The following FSHR variants were observed in gnomAD, a reference collection of about 807,000 sequenced individuals.
FSHR encodes the protein follicle-stimulating hormone receptor.
A neutral mutation model predicts 52.1 loss-of-function variants in FSHR; 46 were observed. The observed-to-expected ratio is 0.88, with a 90% CI of 0.70 to 1.13. The LOEUF (loss-of-function observed/expected upper bound fraction) is 1.13. Ranked by LOEUF, FSHR falls within the 50% of genes most tolerant of loss-of-function variation. FSHR has a pLI of 0.00. For missense variants in FSHR, 964 were observed against 834.6 expected (o/e 1.16, Z -1.91); for synonymous variants, 399 against 309.6 (o/e 1.29, Z -3.03).
chr2:49,082,877 C>T lies in FSHR; in HGVS notation c.153-14587G>A, dbSNP rs1006863013. Among the ~76,000 whole-genome samples the T allele has an allele frequency of 7.8e-4, 119 of 152,128 alleles. 1 individual carries two copies. The highest frequency in any genetic ancestry group is 2.8e-3 in the African/African-American group (115 of 41,486). ...ACCAAATCTACGTCTGATTGGTGTA[C>T]CTGAAAGTGACGGGGAGAATGGAAC... On this transcript the variant is annotated intron_variant, in intron 1 of 9. Transcript: ENST00000406846.
intron 2 of FSHR, among the ~76,000 whole-genome samples, chr2:49,026,589 G>A (rs1379414130): frequency 1.3e-5 from 2 of 152,130 alleles, no homozygotes; most frequent in Non-Finnish European, 2.9e-5. Context: ...CAAGTATAAA[G>A]CATATAAGAT....
intron 4 of FSHR, chr2:49,014,574 G>T (rs762496662): frequency 3.1e-5 from 7 of 225,574 alleles, no homozygotes; most frequent in Non-Finnish European, 6.2e-5. Context: ...CTAAGGGAAG[G>T]GCCAAGGGGG....
chr2:49,078,211 G>A (rs1670025738), intron 1 of FSHR, among the ~76,000 whole-genome samples: 1 of 152,202 alleles, frequency 6.6e-6, no homozygotes, highest in African/African-American at 2.4e-5. Flanking sequence ...TGGAAAGCAA[G>A]GAGGAGCAAG....
At chr2:49,027,066 C>T (rs547781262) in intron 2 of FSHR, among the ~76,000 whole-genome samples, 28 of 152,354 alleles carry the variant, frequency 1.8e-4, no homozygotes, top group Non-Finnish European at 3.1e-4. Context: ...CCCCTGCCAA[C>T]GGCTCTGTCT....
chr2:49,093,017 A>T (rs1035403680), intron 1 of FSHR, among the ~76,000 whole-genome samples: 2 of 152,188 alleles, frequency 1.3e-5, no homozygotes, highest in African/African-American at 4.8e-5. Context: ...ACCCCATTTG[A>T]TCATTGTGAA....
chr2:49,016,721 T>G lies in FSHR; in HGVS notation c.374+768A>C, dbSNP rs74771252. On this transcript the variant is annotated intron_variant, in intron 4 of 9. Coordinates refer to ENST00000406846, the MANE Select transcript of FSHR (RefSeq NM_000145.4). ...TTGTTGCTTTAAGCCTCTATCTTTGTGTAGTGGTTGGTTGGTTATGCATGA... is the reference window on the plus strand; with the variant it reads ...TTGTTGCTTTAAGCCTCTATCTTTGGGTAGTGGTTGGTTGGTTATGCATGA... Among the ~76,000 whole-genome samples the G allele has an allele frequency of 4.7e-3, 716 of 152,294 alleles. 4 individuals carry two copies. The highest frequency in any genetic ancestry group is 0.016 in the African/African-American group (652 of 41,562).
chr2:49,148,350 A>G (rs1202793265), intron 1 of FSHR, among the ~76,000 whole-genome samples: 1 of 152,084 alleles, frequency 6.6e-6, no homozygotes, highest in Non-Finnish European at 1.5e-5. Flanking sequence ...AAGGAAAATA[A>G]GAAAGCTATC....
chr2:48,968,784 A>G lies in FSHR; in HGVS notation c.768T>C (p.Pro256=). Residue 256 remains proline, a synonymous_variant, in exon 9 of 10, where the codon CCT becomes CCC. Coordinates refer to ENST00000406846, the MANE Select transcript of FSHR (RefSeq NM_000145.4). Reference sequence around the variant, plus strand: ...TGAGGGCGACAAGCTTTTCCAGAGTAGGCAGCTTTTTTAAGTTGTAAGTCG... The same window carrying G: ...TGAGGGCGACAAGCTTTTCCAGAGTGGGCAGCTTTTTTAAGTTGTAAGTCG... The part of the protein sequence containing the change: ...ARSTYNLKKL[P]TLEKLVALME... The G allele has an allele frequency of 6.2e-7, 1 of 1,614,154 alleles. No individual in the cohort carries two copies. Among genetic ancestry groups the G allele is most frequent in the African/African-American group, 1.3e-5 (1 of 75,056 alleles).
chr2:49,100,883 C>G (rs1051733370), intron 1 of FSHR, among the ~76,000 whole-genome samples: 3 of 152,068 alleles, frequency 2.0e-5, no homozygotes, highest in African/African-American at 7.2e-5. Context: ...GGAAGAAAAC[C>G]AGGGAAGGAG....
intron 1 of FSHR, among the ~76,000 whole-genome samples, chr2:49,105,246 C>A (rs899716957): frequency 6.6e-6 from 1 of 152,098 alleles, no homozygotes. Flanking sequence ...AAACAAGGGG[C>A]AGTTTTCTCC....
At chr2:49,141,831 T>G (rs1348258941) in intron 1 of FSHR, among the ~76,000 whole-genome samples, 1 of 152,228 alleles carries the variant, frequency 6.6e-6, no homozygotes, top group African/African-American at 2.4e-5. Context: ...GTGTCTTTTT[T>G]TCCTTGTTCA....
chr2:49,039,889 A>G (rs1668420368), intron 2 of FSHR, among the ~76,000 whole-genome samples: 2 of 149,448 alleles, frequency 1.3e-5, no homozygotes, highest in African/African-American at 4.9e-5. Flanking sequence ...GGAATTATGT[A>G]AAATTTTTGT....
chr2:49,135,855 C>G (rs1238995741), intron 1 of FSHR, among the ~76,000 whole-genome samples: 2 of 151,854 alleles, frequency 1.3e-5, no homozygotes, highest in African/African-American at 2.4e-5. Context: ...GATATGTTTA[C>G]TATTTATTAA....
At chr2:49,059,491 T>G (rs1301869136) in intron 2 of FSHR, 4 of 152,130 alleles carry the variant, frequency 2.6e-5, no homozygotes, top group African/African-American at 7.3e-5. Context: ...TATAGCCAAC[T>G]GATTTTTGAC....
At chr2:49,021,886 T>TATATATATAGAGAGAGAGAGAGAG (rs1273265515) in intron 2 of FSHR, among the ~76,000 whole-genome samples, 1 of 25,124 alleles carries the variant, frequency 4.0e-5, no homozygotes, top group African/African-American at 1.5e-4. Flanking sequence ...TATATATATA[T>TATATATATAGAGAGAGAGAGAGAG]AGAGAGAGAG....
chr2:49,110,687 A>G (rs568029497), intron 1 of FSHR, among the ~76,000 whole-genome samples: 1 of 152,194 alleles, frequency 6.6e-6, no homozygotes, highest in Admixed American at 6.5e-5. Flanking sequence ...TCAATTTTTC[A>G]CAATTTCCCA....
rs908095208 is a variant in FSHR, at chr2:49,076,911, G to A, written c.153-8621C>T. 3.3e-5 allele frequency among the ~76,000 whole-genome samples: 5 copies of A among 152,228 alleles called. 1 individual carries two copies. The highest frequency in any genetic ancestry group is 2.0e-4 in the Admixed American group (3 of 15,290). ...TTTCTCACATCCAGGTCACAGTAATGTAAGAGGTGGGTTCCATGATCTTGG... is the reference window on the plus strand; with the variant it reads ...TTTCTCACATCCAGGTCACAGTAATATAAGAGGTGGGTTCCATGATCTTGG... On this transcript the variant is annotated intron_variant, in intron 1 of 9. Transcript: ENST00000406846.
chr2:48,965,784 A>G (rs1290422704), intron 9 of FSHR, among the ~76,000 whole-genome samples: 1 of 152,248 alleles, frequency 6.6e-6, no homozygotes, highest in Non-Finnish European at 1.5e-5. Context: ...GAAGTGACCC[A>G]CTGACATGAA....
At chr2:49,044,862 A>T (rs1361021842) in intron 2 of FSHR, among the ~76,000 whole-genome samples, 1 of 152,144 alleles carries the variant, frequency 6.6e-6, no homozygotes, top group African/African-American at 2.4e-5. Flanking sequence ...TTTCTGTCAC[A>T]AGAGGGAGTG....
Sources: gnomAD v4.1 joint callset for allele counts (sites outside exome capture counted in the v4.1 genomes callset) on GRCh38, gnomAD v4.1.1 for gene constraint, MANE v1.5 for transcripts, NCBI Gene and HGNC (gene_info 2026-07-23, HGNC 2026-07-21) for gene names.